SLCO6A1: variants seen among roughly 807,000 people sequenced by gnomAD.
SLCO6A1 encodes the protein solute carrier organic anion transporter family member 6A1, also known as cancer/testis antigen 48.
SLCO6A1 carries 65 observed loss-of-function variants against 72.7 expected under a neutral mutation model. The ratio of observed to expected loss-of-function variants is 0.89; its 90% CI spans 0.73 to 1.10. The LOEUF (loss-of-function observed/expected upper bound fraction) is 1.10, where lower values mean the gene tolerates loss of function less well. Ranked by LOEUF, SLCO6A1 falls within the 50% of genes least tolerant of loss-of-function variation. SLCO6A1 has a pLI of 0.00. For synonymous variants in SLCO6A1, 314 were observed against 298.2 expected (o/e 1.05, Z -0.55); for missense variants, 874 against 872.6 (o/e 1.00, Z -0.02).
At chr5:102,425,054 C>T (rs370455608) in intron 7 of SLCO6A1, among the ~76,000 whole-genome samples, 7 of 151,964 alleles carry the variant, frequency 4.6e-5, no homozygotes, top group Admixed American at 2.0e-4. Flanking sequence ...AAAATCCCTT[C>T]GATAAAATTT....
At chr5:102,380,401 T>C (rs1250080568) in intron 12 of SLCO6A1, among the ~76,000 whole-genome samples, 6 of 152,178 alleles carry the variant, frequency 3.9e-5, no homozygotes, top group Non-Finnish European at 7.4e-5. Flanking sequence ...AAAGATCAGA[T>C]AGACTTCCTT....
At position 102,458,392 on chromosome 5, in the gene SLCO6A1, G is replaced by A; in HGVS notation, c.1121C>T (p.Ala374Val). 1 of 1,606,980 alleles carries A rather than the reference G, an allele frequency of 6.2e-7. No homozygotes were observed. The highest frequency in any genetic ancestry group is 8.5e-7 in the Non-Finnish European group (1 of 1,175,278). Residue 374 changes from alanine (A) to valine (V), a missense_variant, in exon 6 of 14, where the codon GCT becomes GTT. By Grantham distance (64) the Ala-to-Val change is moderately conservative (BLOSUM62 0). Transcript: ENST00000506729. ...KLGTNIKDLCAALWILMKNPV... is the reference protein window; with the variant it reads ...KLGTNIKDLCVALWILMKNPV... ...AATATTTTACTTTACCCAAAGAGCA[G>A]CACATAAATCCTTGATATTAGTTCC... is the stretch of plus-strand genomic sequence containing the variant.
intron 1 of SLCO6A1, among the ~76,000 whole-genome samples, chr5:102,481,543 C>T (rs1425903063): frequency 6.6e-6 from 1 of 152,190 alleles, no homozygotes; most frequent in Non-Finnish European, 1.5e-5. Flanking sequence ...TGGTTTCAGA[C>T]TTCCCATTCC....
chr5:102,424,669 G>A (rs530104562), intron 7 of SLCO6A1, among the ~76,000 whole-genome samples: 1 of 151,932 alleles, frequency 6.6e-6, no homozygotes, highest in Non-Finnish European at 1.5e-5. Flanking sequence ...CAGATGGATC[G>A]ACAGCCAAAT....
chr5:102,471,390 T>C (rs555902918), intron 4 of SLCO6A1, among the ~76,000 whole-genome samples: 3 of 152,204 alleles, frequency 2.0e-5, no homozygotes, highest in South Asian at 2.1e-4. Context: ...CAGCCTGAAA[T>C]TCTAACTGCT....
At chr5:102,422,507 G>A (rs907301623) in intron 7 of SLCO6A1, among the ~76,000 whole-genome samples, 3 of 152,154 alleles carry the variant, frequency 2.0e-5, no homozygotes, top group Admixed American at 6.5e-5. Flanking sequence ...AATCGATCAA[G>A]TGGAAGAAAG....
chr5:102,402,167 T>C (rs1466440466), intron 9 of SLCO6A1, among the ~76,000 whole-genome samples: 1 of 151,936 alleles, frequency 6.6e-6, no homozygotes, highest in Non-Finnish European at 1.5e-5. Flanking sequence ...TGTAAAGGCC[T>C]AGGGTATGAC....
At chr5:102,416,299 C>G (rs1748281214) in intron 8 of SLCO6A1, among the ~76,000 whole-genome samples, 1 of 151,568 alleles carries the variant, frequency 6.6e-6, no homozygotes, top group Non-Finnish European at 1.5e-5. Context: ...AAGAAATCAT[C>G]CTAAATATCC....
At chr5:102,377,737 T>A (rs952651947) in intron 12 of SLCO6A1, among the ~76,000 whole-genome samples, 2 of 151,628 alleles carry the variant, frequency 1.3e-5, no homozygotes, top group African/African-American at 4.8e-5. Context: ...AGGGGCACAA[T>A]CTCATCTCAC....
At chr5:102,467,065 G>T (rs1751348883) in intron 4 of SLCO6A1, among the ~76,000 whole-genome samples, 1 of 152,030 alleles carries the variant, frequency 6.6e-6, no homozygotes, top group South Asian at 2.1e-4. Flanking sequence ...AATTGTTTTG[G>T]TGTCTTCATC....
intron 12 of SLCO6A1, among the ~76,000 whole-genome samples, chr5:102,381,410 C>T (rs1211448371): frequency 2.0e-5 from 3 of 151,680 alleles, no homozygotes; most frequent in Non-Finnish European, 3.0e-5. Flanking sequence ...AATTTTCTTC[C>T]TTTTTAAGGA....
intron 7 of SLCO6A1, among the ~76,000 whole-genome samples, chr5:102,421,852 A>G (rs1341618935): frequency 6.6e-6 from 1 of 152,202 alleles, no homozygotes; most frequent in African/African-American, 2.4e-5. Flanking sequence ...AGGGGTCAGC[A>G]GACACTTCAT....
At chr5:102,384,756 A>G (rs762223061) in intron 12 of SLCO6A1, among the ~76,000 whole-genome samples, 2 of 152,140 alleles carry the variant, frequency 1.3e-5, no homozygotes, top group Non-Finnish European at 2.9e-5. Flanking sequence ...ATAGTAATAG[A>G]GTATTCCAAA....
At chr5:102,437,264 T>C (rs1749591068) in intron 7 of SLCO6A1, among the ~76,000 whole-genome samples, 1 of 152,202 alleles carries the variant, frequency 6.6e-6, no homozygotes, top group Non-Finnish European at 1.5e-5. Flanking sequence ...CCAAATTTCA[T>C]TCTTGCCAAG....
intron 1 of SLCO6A1, among the ~76,000 whole-genome samples, chr5:102,489,291 C>T (rs191709569): frequency 2.0e-5 from 3 of 152,226 alleles, no homozygotes; most frequent in East Asian, 3.9e-4. Flanking sequence ...TTCCAAACAT[C>T]GCATACGTTA....
chr5:102,417,101 C>T (rs1477929683), intron 8 of SLCO6A1, among the ~76,000 whole-genome samples: 1 of 152,030 alleles, frequency 6.6e-6, no homozygotes, highest in Non-Finnish European at 1.5e-5. Flanking sequence ...ATGTAATGAT[C>T]TTCTTTATTC....
At chr5:102,489,502 T>C (rs552888209) in intron 1 of SLCO6A1, among the ~76,000 whole-genome samples, 1 of 151,926 alleles carries the variant, frequency 6.6e-6, no homozygotes, top group Non-Finnish European at 1.5e-5. Context: ...ATCAGATCTA[T>C]TTTTTTTAAT....
At chr5:102,391,078 A>T (rs1561422084) in intron 10 of SLCO6A1, 33 bp from the exon 11 acceptor site, 1 of 1,576,496 alleles carries the variant, frequency 6.3e-7, no homozygotes, top group Non-Finnish European at 8.7e-7. Flanking sequence ...TAATCAGCAC[A>T]TCATTGTTAT....
chr5:102,438,495 A>G, intron 7 of SLCO6A1, 122 bp downstream of exon 7: 1 of 762,716 alleles, frequency 1.3e-6, no homozygotes, highest in African/African-American at 1.9e-5. Context: ...TATTTGTAAA[A>G]TCTGCACAAA....
Sources: gnomAD v4.1 joint callset for allele counts (sites outside exome capture counted in the v4.1 genomes callset) on GRCh38, gnomAD v4.1.1 for gene constraint, MANE v1.5 for transcripts, NCBI Gene and HGNC (gene_info 2026-07-23, HGNC 2026-07-21) for gene names.